ATRNL1: variants seen among roughly 807,000 people sequenced by gnomAD.
The protein encoded by ATRNL1 is attractin-like protein 1.
A neutral mutation model predicts 182.7 loss-of-function variants in ATRNL1; 95 were observed. That is an observed-to-expected ratio of 0.52 (90% CI 0.44 to 0.62). The LOEUF is 0.62. ATRNL1 is among the 20% of genes least tolerant of loss of function. The pLI is 0.00. For missense variants in ATRNL1, 1,471 were observed against 1,679.5 expected (o/e 0.88, Z 2.17); for synonymous variants, 576 against 568.3 (o/e 1.01, Z -0.19).
rs905714118 is a variant in ATRNL1 at position 115,215,925 on chromosome 10, G to A, written c.1532+45G>A. On this transcript the variant is annotated intron_variant, in intron 9 of 28. Transcript: ENST00000355044. ...CATTTTCTATGTTGCCATTATTATT[G>A]TAAATGATTGACTTTAAAATGGTTT... is the stretch of plus-strand genomic sequence containing the variant. 3 of 1,359,458 alleles carry A rather than the reference G, an allele frequency of 2.2e-6. 1 individual carries two copies. The highest frequency in any genetic ancestry group is 5.6e-5 in the Admixed American group (2 of 35,820). 84.2% of individuals were successfully genotyped at this position (1,359,458 alleles called of 1,614,324 possible).
At chr10:115,879,774 T>C (rs1951785349) in intron 28 of ATRNL1, among the ~76,000 whole-genome samples, 1 of 152,158 alleles carries the variant, frequency 6.6e-6, no homozygotes, top group Non-Finnish European at 1.5e-5. Flanking sequence ...GTGGTTCGAG[T>C]GGCTGCAAGG....
At chr10:115,681,879 A>G (rs1380309602) in intron 26 of ATRNL1, among the ~76,000 whole-genome samples, 3 of 152,202 alleles carry the variant, frequency 2.0e-5, no homozygotes, top group Admixed American at 6.5e-5. Flanking sequence ...TGTAAGGAGA[A>G]AGGTGACATG....
At chr10:115,712,205 T>C (rs1167708929) in intron 26 of ATRNL1, among the ~76,000 whole-genome samples, 1 of 152,162 alleles carries the variant, frequency 6.6e-6, no homozygotes, top group Non-Finnish European at 1.5e-5. Context: ...GTGGGCCTGA[T>C]TTTAAATAAC....
intron 24 of ATRNL1, among the ~76,000 whole-genome samples, chr10:115,515,926 C>A (rs1850615179): frequency 6.6e-6 from 1 of 151,818 alleles, no homozygotes; most frequent in African/African-American, 2.4e-5. Context: ...GGTTTCCTCC[C>A]ACCTACCTTT....
chr10:115,573,284 T>C (rs756814733), intron 26 of ATRNL1, among the ~76,000 whole-genome samples: 14 of 152,114 alleles, frequency 9.2e-5, no homozygotes, highest in Non-Finnish European at 1.9e-4. Flanking sequence ...CCGGACTCTT[T>C]CCTGACTTCC....
At chr10:115,888,771 C>A (rs1224843865) in intron 28 of ATRNL1, among the ~76,000 whole-genome samples, 1 of 152,176 alleles carries the variant, frequency 6.6e-6, no homozygotes, top group Non-Finnish European at 1.5e-5. Context: ...AGTGACTTGA[C>A]GATTTAGGCC....
intron 26 of ATRNL1, among the ~76,000 whole-genome samples, chr10:115,560,560 A>G (rs1181723113): frequency 6.6e-6 from 1 of 152,196 alleles, no homozygotes; most frequent in Non-Finnish European, 1.5e-5. Context: ...GATGGATTCA[A>G]AGACTTTATG....
At chr10:115,298,026 G>T (rs1005647832) in intron 15 of ATRNL1, among the ~76,000 whole-genome samples, 29 of 152,038 alleles carry the variant, frequency 1.9e-4, no homozygotes, top group Admixed American at 3.9e-4. Flanking sequence ...ATGCTAACTA[G>T]CATGCCCTGT....
At chr10:115,377,023 C>G (rs1232139226) in intron 19 of ATRNL1, among the ~76,000 whole-genome samples, 1 of 151,766 alleles carries the variant, frequency 6.6e-6, no homozygotes, top group African/African-American at 2.4e-5. Flanking sequence ...ATTTTCATTT[C>G]TGTCATATTT....
chr10:115,837,754 G>A (rs1377019882), intron 27 of ATRNL1, among the ~76,000 whole-genome samples: 5 of 151,900 alleles, frequency 3.3e-5, no homozygotes, highest in African/African-American at 7.3e-5. Context: ...CCATACTTTC[G>A]GACCAAGCCA....
chr10:115,143,536 A>G lies in ATRNL1; in HGVS notation c.829+14001A>G, dbSNP rs868974329. On this transcript the variant is annotated intron_variant, in intron 5 of 28. Coordinates refer to ENST00000355044, the MANE Select transcript of ATRNL1 (RefSeq NM_207303.4). ...AAATACCACAGATTAGGTCGCTTAA[A>G]CAATTGGCATTTATTCCTCACAGTT... 2.0e-5 allele frequency among the ~76,000 whole-genome samples: 3 copies of G among 152,176 alleles called. No homozygotes were observed. The South Asian group carries it at 6.2e-4, about 32-fold the overall frequency.
chr10:115,855,308 G>A (rs1951153973), intron 28 of ATRNL1, among the ~76,000 whole-genome samples: 1 of 152,164 alleles, frequency 6.6e-6, no homozygotes. Context: ...TCAAAGCCTG[G>A]TTCAAATGCT....
chr10:115,210,897 C>T (rs1053648441), intron 8 of ATRNL1, among the ~76,000 whole-genome samples: 2 of 151,926 alleles, frequency 1.3e-5, no homozygotes, highest in African/African-American at 2.4e-5. Context: ...GTCACTTTAG[C>T]TTTACTTTTC....
At chr10:115,105,999 C>G (rs1446328002) in intron 1 of ATRNL1, among the ~76,000 whole-genome samples, 7 of 152,278 alleles carry the variant, frequency 4.6e-5, no homozygotes, top group African/African-American at 1.7e-4. Flanking sequence ...GACCCCAGAA[C>G]AGTAGATGCT....
intron 9 of ATRNL1, among the ~76,000 whole-genome samples, chr10:115,225,538 T>A (rs948017174): frequency 1.5e-4 from 22 of 143,026 alleles, no homozygotes; most frequent in Admixed American, 1.2e-3. Context: ...GCAAATAACA[T>A]CAATATAAAA....
intron 4 of ATRNL1, among the ~76,000 whole-genome samples, chr10:115,128,993 T>C (rs1554874313): frequency 6.6e-6 from 1 of 152,186 alleles, no homozygotes; most frequent in Non-Finnish European, 1.5e-5. Flanking sequence ...TTCTGTAAAA[T>C]ATACAATCAA....
chr10:115,806,185 G>T (rs1262111675), intron 27 of ATRNL1, among the ~76,000 whole-genome samples: 19 of 152,044 alleles, frequency 1.2e-4, no homozygotes, highest in African/African-American at 4.6e-4. Flanking sequence ...AGTGAGGAAC[G>T]GTCAGATATT....
At position 115,246,686 on chromosome 10, in the gene ATRNL1, G is replaced by A. The variant is rs1178590480; in HGVS notation, c.1687+4961G>A. Among the ~76,000 whole-genome samples, 5 of 118,352 alleles carry A rather than the reference G, an allele frequency of 4.2e-5. 2 individuals carry two copies. Among genetic ancestry groups the A allele is most frequent in the Non-Finnish European group, 8.9e-5 (5 of 56,124 alleles). The allele number at this position is 118,352 out of a possible 152,430, so 77.6% of individuals were successfully genotyped here. ...CGCCATTCTCCTGCCTCAGCCTCCCGAGTAGCTGGGACTACAGGCGCCCGC... is the reference window on the plus strand; with the variant it reads ...CGCCATTCTCCTGCCTCAGCCTCCCAAGTAGCTGGGACTACAGGCGCCCGC... On this transcript the variant is annotated intron_variant, in intron 10 of 28. Coordinates refer to ENST00000355044, the MANE Select transcript of ATRNL1 (RefSeq NM_207303.4).
At chr10:115,186,977 A>C (rs1431945128) in intron 8 of ATRNL1, among the ~76,000 whole-genome samples, 1 of 152,136 alleles carries the variant, frequency 6.6e-6, no homozygotes, top group African/African-American at 2.4e-5. Context: ...TTTATAAAGC[A>C]AAACATAAAA....
Sources: gnomAD v4.1 joint callset for allele counts (sites outside exome capture counted in the v4.1 genomes callset) on GRCh38, gnomAD v4.1.1 for gene constraint, MANE v1.5 for transcripts, NCBI Gene and HGNC (gene_info 2026-07-23, HGNC 2026-07-21) for gene names.